The following NCOA6 variants were observed in gnomAD, a reference collection of about 807,000 sequenced individuals.
NCOA6 encodes nuclear receptor coactivator 6.
A neutral mutation model predicts 171.4 loss-of-function variants in NCOA6; 49 were observed. That is an observed-to-expected ratio of 0.29 (90% CI 0.23 to 0.36). The LOEUF (loss-of-function observed/expected upper bound fraction) is 0.36. Ranked by LOEUF, NCOA6 falls within the 10% of genes least tolerant of loss-of-function variation. The probability of loss-of-function intolerance (pLI) is 1.00; values close to 1 mark genes in which losing one functional copy is unlikely to be tolerated. For missense variants in NCOA6, 2,248 were observed against 2,554.5 expected (o/e 0.88, Z 2.59); for synonymous variants, 910 against 927.5 (o/e 0.98, Z 0.34).
At chr20:34,807,042 T>C (rs2078475167) in intron 1 of NCOA6, among the ~76,000 whole-genome samples, 1 of 152,220 alleles carries the variant, frequency 6.6e-6, no homozygotes, top group Admixed American at 6.5e-5. Flanking sequence ...CCTGGTGATT[T>C]GCTTCTAACT....
At chr20:34,751,227 G>A (rs922556594) in intron 8 of NCOA6, among the ~76,000 whole-genome samples, 6 of 148,820 alleles carry the variant, frequency 4.0e-5, no homozygotes, top group Non-Finnish European at 5.9e-5. Flanking sequence ...AAAATTAGCC[G>A]GGCGCGGTGG....
intron 1 of NCOA6, among the ~76,000 whole-genome samples, chr20:34,802,367 C>T (rs1413037299): frequency 2.0e-5 from 3 of 152,048 alleles, no homozygotes; most frequent in Non-Finnish European, 4.4e-5. Flanking sequence ...TTTGGGAGGC[C>T]GAGGCAGTCG....
intron 11 of NCOA6, among the ~76,000 whole-genome samples, chr20:34,737,978 A>C (rs969079467): frequency 1.3e-5 from 2 of 152,148 alleles, no homozygotes; most frequent in African/African-American, 4.8e-5. Flanking sequence ...GGTTCACCAC[A>C]ACCTCCGCCT....
Position 34,750,395 on chromosome 20 carries a change from C to A in NCOA6, c.1800G>T (p.Gly600=), listed in dbSNP as rs752881121. ...TGTTGCTGAGGTTCACTTGAGGAAC[C>A]CCAGAAGTACCAGCCTGCTGATTGT... The part of the protein sequence containing the change: ...NMNNQQAGTS[G]VPQVNLSNMQ... Residue 600 remains glycine, a synonymous_variant, in exon 9 of 15, where the codon GGG becomes GGT. Coordinates refer to ENST00000359003, the MANE Select transcript of NCOA6 (RefSeq NM_014071.5). 40 of 1,613,922 alleles carry A rather than the reference C, an allele frequency of 2.5e-5. No homozygotes were observed. Among genetic ancestry groups the A allele is most frequent in the Non-Finnish European group, 2.7e-5 (32 of 1,180,020 alleles).
rs1179774916 is a variant in NCOA6, at chr20:34,782,457, A to G, written c.-49-53T>C. ...TACAATGCATAGTTATGCATTCAAC[A>G]ATGTATAATTCATAGTTCTATGAAA... On this transcript the variant is annotated intron_variant, in intron 2 of 14. Coordinates refer to ENST00000359003, the MANE Select transcript of NCOA6 (RefSeq NM_014071.5). 1.3e-5 allele frequency: 6 copies of G among 473,314 alleles called. No individual in the cohort carries two copies. In the South Asian group the frequency reaches 3.5e-4, roughly 27 times the overall value. The allele number at this position is 473,314 out of a possible 1,614,324, so 29.3% of individuals were successfully genotyped here.
In NCOA6 at chr20:34,741,729, C is replaced by G. The variant is rs1468290525; in HGVS notation, c.4527G>C (p.Gly1509=). 6.2e-7 allele frequency: 1 copy of G among 1,614,148 alleles called. No homozygotes were observed. Among genetic ancestry groups the G allele is most frequent in the Admixed American group, 1.7e-5 (1 of 60,016 alleles). ...GAGGTGTTACTTCCAGATCTGTAAG[C>G]CCAGGGGGTTTAATTGTCACATTGG... is the stretch of plus-strand genomic sequence containing the variant. ...GAPNVTIKPP[G]LTDLEVTPPV... Residue 1509 remains glycine (G), a synonymous_variant, in exon 11 of 15, where the codon GGG becomes GGC. Transcript: ENST00000359003.
chr20:34,727,555 A>G, intron 13 of NCOA6, 148 bp from the exon 14 acceptor site: 1 of 765,094 alleles, frequency 1.3e-6, no homozygotes. Context: ...TGGGGTAATA[A>G]GCACTATTGC....
At chr20:34,760,416 AT>A (rs2076782328) in intron 5 of NCOA6, among the ~76,000 whole-genome samples, 1 of 152,252 alleles carries the variant, frequency 6.6e-6, no homozygotes, top group Admixed American at 6.5e-5. Flanking sequence ...TAAGAGAACA[AT>A]GAAAAATTCT....
At chr20:34,751,221 TTAGCCGGGCGCGGTGGCAGGCGCCTG>T (rs2076469605) in intron 8 of NCOA6, among the ~76,000 whole-genome samples, 1 of 147,962 alleles carries the variant, frequency 6.8e-6, no homozygotes, top group Admixed American at 6.9e-5. Flanking sequence ...ATACAAAAAA[TTAGCCGGGCGCGGTGGCAGGCGCCTG>T]TAGTCCCAGC....
intron 2 of NCOA6, among the ~76,000 whole-genome samples, chr20:34,790,968 C>T (rs550342689): frequency 1.1e-3 from 164 of 152,232 alleles, no homozygotes; most frequent in Admixed American, 2.5e-3. Context: ...TATGAAATAT[C>T]TAGAATAAGT....
chr20:34,757,128 C>A, intron 7 of NCOA6, 92 bp downstream of exon 7: 5 of 1,318,556 alleles, frequency 3.8e-6, no homozygotes, highest in Non-Finnish European at 5.1e-6. Context: ...TATATCCTTA[C>A]TCCACTCCCT....
Position 34,727,270 on chromosome 20 carries a change from C to A in NCOA6, c.6137G>T (p.Ser2046Ile), listed in dbSNP as rs2147023609. 1.9e-6 allele frequency: 3 copies of A among 1,614,128 alleles called. No homozygotes were observed. The highest frequency in any genetic ancestry group is 1.3e-5 in the African/African-American group (1 of 75,060). The change falls in exon 14 of 15, where the codon AGC becomes ATC. Residue 2046 changes from serine (S) to isoleucine (I), a missense_variant. By Grantham distance (142) the Ser-to-Ile change is moderately radical. Coordinates refer to ENST00000359003, the MANE Select transcript of NCOA6 (RefSeq NM_014071.5). ...KRSSRPASAS[S>I]STKDITSAVQ... The stretch of plus-strand genomic sequence containing the variant: ...ATCCCACTGCTAACCTTTAGTAGAG[C>A]TGGAGGCTGAAGCAGGTCGAGAAGA...
At chr20:34,718,931 C>T (rs1393395871) in intron 14 of NCOA6, among the ~76,000 whole-genome samples, 1 of 152,166 alleles carries the variant, frequency 6.6e-6, no homozygotes, top group African/African-American at 2.4e-5. Flanking sequence ...TGTGAACCTA[C>T]CTTCAGTTTT....
At chr20:34,730,616 T>C (rs924533876) in intron 13 of NCOA6, among the ~76,000 whole-genome samples, 1 of 151,930 alleles carries the variant, frequency 6.6e-6, no homozygotes, top group African/African-American at 2.4e-5. Flanking sequence ...CAGAGTGGTA[T>C]AGTAGGAGTA....
At chr20:34,824,656 T>C (rs1381785299) in intron 1 of NCOA6, among the ~76,000 whole-genome samples, 1 of 152,170 alleles carries the variant, frequency 6.6e-6, no homozygotes, top group Non-Finnish European at 1.5e-5. Context: ...CTGTGCCTCT[T>C]TTGCTGGCCA....
intron 1 of NCOA6, among the ~76,000 whole-genome samples, chr20:34,808,469 G>A (rs542190929): frequency 3.0e-5 from 4 of 133,934 alleles, no homozygotes; most frequent in Admixed American, 8.4e-5. Flanking sequence ...TCGGAGTTTC[G>A]CTCTTGTTGC....
At chr20:34,778,279 G>GA (rs2077402377) in intron 3 of NCOA6, among the ~76,000 whole-genome samples, 1 of 152,156 alleles carries the variant, frequency 6.6e-6, no homozygotes, top group Non-Finnish European at 1.5e-5. Flanking sequence ...TACGCTAAGC[G>GA]AAATAAGCCA....
Position 34,740,724 on chromosome 20 carries a change from T to C in NCOA6, c.5532A>G (p.Glu1844=), listed in dbSNP as rs1185225669. The change falls in exon 11 of 15, where the codon GAA becomes GAG. Residue 1844 remains glutamate, a synonymous_variant. Transcript: ENST00000359003. ...KVTGSLEKGE[E]QYGADGETEG... ...CAGTCTCTCCATCTGCACCATATTG[T>C]TCTTCCCCTTTCTCAAGAGAGCCTG... 3 of 1,614,108 alleles carry C rather than the reference T, an allele frequency of 1.9e-6. No homozygotes were observed. Among genetic ancestry groups the C allele is most frequent in the Non-Finnish European group, 2.5e-6 (3 of 1,179,970 alleles).
chr20:34,765,090 C>A (rs71349773), intron 5 of NCOA6, among the ~76,000 whole-genome samples: 3,458 of 150,768 alleles, frequency 0.023, 60 homozygotes, highest in Middle Eastern at 0.038. Flanking sequence ...CACAGTACTC[C>A]AGCCTGGGTG....
Sources: allele counts gnomAD v4.1 joint callset (sites outside exome capture counted in the v4.1 genomes callset), GRCh38; gene constraint gnomAD v4.1.1; transcripts MANE v1.5; gene names NCBI Gene and HGNC (gene_info 2026-07-23, HGNC 2026-07-21).